The following LCLAT1 variants were observed in gnomAD, a reference collection of about 807,000 sequenced individuals.
The protein encoded by LCLAT1 is lysocardiolipin acyltransferase 1, also known as 1-AGP acyltransferase 8.
LCLAT1 carries 11 observed loss-of-function variants against 30.7 expected under a neutral mutation model. The observed-to-expected ratio is 0.36, with a 90% CI of 0.23 to 0.59. LCLAT1 has a LOEUF of 0.59. LCLAT1 is among the 20% of genes least tolerant of loss of function. The pLI, the probability that LCLAT1 is intolerant of heterozygous loss-of-function variation, is 0.77. For missense variants in LCLAT1, 402 were observed against 458.6 expected (o/e 0.88, Z 1.13); for synonymous variants, 155 against 151.3 (o/e 1.02, Z -0.18).
chr2:30,569,304 T>C (rs1665665151), intron 5 of LCLAT1, among the ~76,000 whole-genome samples: 2 of 152,260 alleles, frequency 1.3e-5, no homozygotes, highest in Admixed American at 6.5e-5. Context: ...TTTTTAATTA[T>C]AGTTCTGCAT....
In LCLAT1 at chr2:30,562,305, G is replaced by T; in HGVS notation, c.511+13G>T. The T allele has an allele frequency of 6.3e-7, 1 of 1,580,140 alleles. No homozygotes were observed. Among genetic ancestry groups the T allele is most frequent in the Non-Finnish European group, 8.6e-7 (1 of 1,157,814 alleles). On this transcript the variant is annotated intron_variant, in intron 4 of 5. Transcript: ENST00000379509. ...ACTGATCTCACAGGTAATGTAGCCT[G>T]GGTTTGGCAAAGTTAGAAATCATGT...
At chr2:30,473,468 T>C (rs879579138) in intron 1 of LCLAT1, among the ~76,000 whole-genome samples, 1 of 152,186 alleles carries the variant, frequency 6.6e-6, no homozygotes, top group Non-Finnish European at 1.5e-5. Context: ...ACATCCTCTT[T>C]AATTTGGTTA....
chr2:30,562,729 A>T (rs1180471337), intron 4 of LCLAT1, among the ~76,000 whole-genome samples: 1 of 152,130 alleles, frequency 6.6e-6, no homozygotes, highest in East Asian at 1.9e-4. Flanking sequence ...ATGTAAGTGT[A>T]ATTTTAAAAT....
chr2:30,555,096 A>C (rs1270758125), intron 3 of LCLAT1, among the ~76,000 whole-genome samples: 1 of 152,162 alleles, frequency 6.6e-6, no homozygotes, highest in African/African-American at 2.4e-5. Flanking sequence ...AAATTATAAA[A>C]GCTTCCAGAG....
chr2:30,570,433 T>G (rs2177698), intron 5 of LCLAT1, among the ~76,000 whole-genome samples: 133,601 of 152,226 alleles, frequency 0.88, 59,045 homozygotes, highest in African/African-American at 0.97. Context: ...GCATTTACTA[T>G]GTACCTGGCA....
chr2:30,552,434 T>C (rs1664721566), intron 3 of LCLAT1: 2 of 384,160 alleles, frequency 5.2e-6, no homozygotes, highest in South Asian at 3.7e-5. Context: ...TTTGTTAGAG[T>C]ATTATGTAAT....
intron 1 of LCLAT1, among the ~76,000 whole-genome samples, chr2:30,463,475 T>C (rs1419979301): frequency 2.0e-5 from 3 of 152,238 alleles, no homozygotes; most frequent in African/African-American, 7.2e-5. Flanking sequence ...TGACTGCTTA[T>C]GTTAATGTAT....
chr2:30,470,806 G>A (rs911749788), intron 1 of LCLAT1, among the ~76,000 whole-genome samples: 3 of 152,030 alleles, frequency 2.0e-5, no homozygotes, highest in Admixed American at 6.5e-5. Flanking sequence ...AAAAGTTATT[G>A]GAATTTTGAT....
At chr2:30,600,708 ATCATTTTTTCCT>A (rs1175649209) in intron 5 of LCLAT1, among the ~76,000 whole-genome samples, 1 of 151,916 alleles carries the variant, frequency 6.6e-6, no homozygotes, top group Non-Finnish European at 1.5e-5. Flanking sequence ...GGCTGCCCTT[ATCATTTTTTCCT>A]TCATTTTGAC....
chr2:30,537,795 C>T (rs913997671), intron 3 of LCLAT1, among the ~76,000 whole-genome samples: 3 of 152,092 alleles, frequency 2.0e-5, no homozygotes, highest in Admixed American at 6.5e-5. Context: ...TTCATCAATT[C>T]GTGGAACATT....
chr2:30,640,198 G>A lies in LCLAT1; in HGVS notation c.710G>A (p.Gly237Glu). The A allele has an allele frequency of 6.2e-7, 1 of 1,614,066 alleles. No individual in the cohort carries two copies. The highest frequency in any genetic ancestry group is 8.5e-7 in the Non-Finnish European group (1 of 1,179,958). The part of the protein sequence containing the change: ...IPQSEKHLLQ[G>E]DFPREIHFHV... ...CAATCAGAGAAGCACCTCCTCCAAG[G>A]AGACTTTCCCAGGGAAATCCACTTT... The change falls in exon 6 of 6, where the codon GGA becomes GAA. Residue 237 changes from glycine to glutamate, a missense_variant. Physicochemically the swap from Gly to Glu is moderately conservative, Grantham distance 98. Transcript: ENST00000379509.
chr2:30,619,442 C>T (rs1273023053), intron 5 of LCLAT1, among the ~76,000 whole-genome samples: 2 of 152,296 alleles, frequency 1.3e-5, no homozygotes, highest in South Asian at 2.1e-4. Context: ...CATTCCTTGC[C>T]ACCTTCACTT....
chr2:30,569,622 T>G (rs1348234400), intron 5 of LCLAT1, among the ~76,000 whole-genome samples: 2 of 147,926 alleles, frequency 1.4e-5, no homozygotes, highest in Admixed American at 6.8e-5. Context: ...GTTCTTTCCC[T>G]AAATGGCATC....
chr2:30,489,728 T>A (rs1355784310), intron 1 of LCLAT1, among the ~76,000 whole-genome samples: 1 of 151,694 alleles, frequency 6.6e-6, no homozygotes, highest in Non-Finnish European at 1.5e-5. Flanking sequence ...GAAGAAAGAG[T>A]AATTCTGCTA....
rs764834194 is a variant in LCLAT1 at position 30,525,766 on chromosome 2, C to T, written c.165+11C>T. The T allele has an allele frequency of 1.9e-6, 3 of 1,613,454 alleles. No homozygotes were observed. The highest frequency in any genetic ancestry group is 1.7e-6 in the Non-Finnish European group (2 of 1,179,552). Reference sequence around the variant, plus strand: ...CTCACCCTACCTGTGGTAAGTTACACACCAGAGGAGACTGTCTGCTTGTAC... The same window carrying T: ...CTCACCCTACCTGTGGTAAGTTACATACCAGAGGAGACTGTCTGCTTGTAC... On this transcript the variant is annotated intron_variant, in intron 2 of 5. Transcript: ENST00000379509.
chr2:30,490,098 G>C (rs1419869344), intron 1 of LCLAT1, among the ~76,000 whole-genome samples: 2 of 152,074 alleles, frequency 1.3e-5, no homozygotes, highest in African/African-American at 4.8e-5. Flanking sequence ...TTACAACTGA[G>C]GAAGTAACAG....
chr2:30,588,335 C>G (rs756514653), intron 5 of LCLAT1, among the ~76,000 whole-genome samples: 1 of 152,210 alleles, frequency 6.6e-6, no homozygotes, highest in Non-Finnish European at 1.5e-5. Flanking sequence ...ACACCTTGCT[C>G]TCCTCTCCTG....
At chr2:30,575,988 AT>A (rs1340017819) in intron 5 of LCLAT1, among the ~76,000 whole-genome samples, 5 of 152,118 alleles carry the variant, frequency 3.3e-5, no homozygotes, top group African/African-American at 1.2e-4. Context: ...TGCGTGTCTT[AT>A]GGCACCATTA....
intron 1 of LCLAT1, among the ~76,000 whole-genome samples, chr2:30,450,062 C>G (rs73922642): frequency 1.7e-4 from 26 of 152,332 alleles, no homozygotes; most frequent in African/African-American, 6.3e-4. Flanking sequence ...TAAACATTAA[C>G]TCCTGACCCT....
Sources: allele counts gnomAD v4.1 joint callset (sites outside exome capture counted in the v4.1 genomes callset), GRCh38; gene constraint gnomAD v4.1.1; transcripts MANE v1.5; gene names NCBI Gene and HGNC (gene_info 2026-07-23, HGNC 2026-07-21).